Variants in PFKFB3 observed in about 807,000 individuals in gnomAD.
The protein encoded by PFKFB3 is 6-phosphofructo-2-kinase/fructose-2,6-biphosphatase 3, also known as 6-phosphofructo-2-kinase/fructose-2,6-bisphosphatase 3.
PFKFB3 carries 33 observed loss-of-function variants against 68.0 expected under a neutral mutation model. That is an observed-to-expected ratio of 0.49 (90% CI 0.37 to 0.65). The LOEUF is 0.65. PFKFB3 is among the 30% of genes least tolerant of loss of function. The probability of loss-of-function intolerance (pLI) is 0.00; values close to 1 mark genes in which losing one functional copy is unlikely to be tolerated. For synonymous variants in PFKFB3, 315 were observed against 288.2 expected (o/e 1.09, Z -0.94); for missense variants, 586 against 712.2 (o/e 0.82, Z 2.02).
chr10:6,256,470 C>G (rs548049126), downstream of PFKFB3, among the ~76,000 whole-genome samples: 1 of 152,254 alleles, frequency 6.6e-6, no homozygotes, highest in East Asian at 1.9e-4. Context: ...CCCAGCTGGT[C>G]CCAGGGTTGT....
chr10:6,191,178 C>T (rs992268513), intron 1 of PFKFB3, among the ~76,000 whole-genome samples: 6 of 152,118 alleles, frequency 3.9e-5, no homozygotes, highest in East Asian at 1.9e-4. Flanking sequence ...GGCCGAACAC[C>T]GAAGGCTGCC....
Position 6,203,024 on chromosome 10 carries a change from A to AGCCGGCCGT in PFKFB3, c.-231_-223dup. 7.3e-7 allele frequency: 1 copy of AGCCGGCCGT among 1,373,000 alleles called. No individual in the cohort carries two copies. Among genetic ancestry groups the AGCCGGCCGT allele is most frequent in the Non-Finnish European group, 9.4e-7 (1 of 1,067,922 alleles). 85.1% of individuals were successfully genotyped at this position (1,373,000 alleles called of 1,614,324 possible). ...CATCCCAGAGCTTTCCGAGCGGACG[A>AGCCGGCCGT]GCCGGCCGTGCCGGGCATCCCCAGC... On this transcript the variant is annotated 5_prime_UTR_variant, in exon 1 of 15. Coordinates refer to ENST00000379775, the MANE Select transcript of PFKFB3 (RefSeq NM_004566.4).
chr10:6,307,358 C>T, the PFKFB3 span, among the ~76,000 whole-genome samples: 1 of 151,668 alleles, frequency 6.6e-6, no homozygotes, highest in African/African-American at 2.4e-5. Context: ...CACACACACA[C>T]ACACACACAC....
chr10:6,226,315 G>C lies in PFKFB3; in HGVS notation c.1465G>C (p.Ala489Pro). The change falls in exon 14 of 15, where the codon GCC becomes CCC. Residue 489 changes from alanine to proline, a missense_variant. Physicochemically the swap from Ala to Pro is conservative, Grantham distance 27. Coordinates refer to ENST00000379775, the MANE Select transcript of PFKFB3 (RefSeq NM_004566.4). ...FEEHVASTSA[A>P]LPSCLPPEVP... ...GGAGCATGTGGCCTCCACCTCGGCCGCCCTGCCCAGCTGCCTGCCCCCGGA... is the reference window on the plus strand; with the variant it reads ...GGAGCATGTGGCCTCCACCTCGGCCCCCCTGCCCAGCTGCCTGCCCCCGGA... 1.2e-6 allele frequency: 2 copies of C among 1,614,006 alleles called. No homozygotes were observed. The highest frequency in any genetic ancestry group is 1.7e-6 in the Non-Finnish European group (2 of 1,179,972).
At chr10:6,183,508 G>C (rs1012025180) in intron 1 of PFKFB3, among the ~76,000 whole-genome samples, 1 of 151,652 alleles carries the variant, frequency 6.6e-6, no homozygotes, top group African/African-American at 2.4e-5. Flanking sequence ...CTGGAGTCTG[G>C]CCTGGTGTGG....
intron 1 of PFKFB3, among the ~76,000 whole-genome samples, chr10:6,208,105 C>T (rs935935515): frequency 3.3e-5 from 5 of 152,112 alleles, no homozygotes; most frequent in African/African-American, 1.2e-4. Context: ...GAGACAGGGT[C>T]TCACTGTCAC....
the PFKFB3 span, chr10:6,277,559 T>C: frequency 5.8e-6 from 1 of 171,050 alleles, no homozygotes; most frequent in African/African-American, 2.4e-5. Context: ...ATTTCCCTTG[T>C]GCTGTGCTCA....
chr10:6,222,823 G>C, intron 10 of PFKFB3, 32 bp from the exon 11 acceptor site: 1 of 1,596,354 alleles, frequency 6.3e-7, no homozygotes, highest in Non-Finnish European at 8.6e-7. Context: ...CGAGTGCCCT[G>C]AGCTCACGTG....
chr10:6,169,763 C>G (rs1245837183), intron 1 of PFKFB3, among the ~76,000 whole-genome samples: 1 of 152,150 alleles, frequency 6.6e-6, no homozygotes, highest in Non-Finnish European at 1.5e-5. Context: ...CAGCCCTGAG[C>G]TCTATATATG....
chr10:6,272,647 A>G, the PFKFB3 span, among the ~76,000 whole-genome samples: 3 of 152,070 alleles, frequency 2.0e-5, no homozygotes, highest in Non-Finnish European at 4.4e-5. Flanking sequence ...GTGAGCCCAG[A>G]TCGTGCCATT....
chr10:6,185,599 C>T (rs979055948), intron 1 of PFKFB3, among the ~76,000 whole-genome samples: 1 of 151,806 alleles, frequency 6.6e-6, no homozygotes, highest in African/African-American at 2.4e-5. Flanking sequence ...GCACTCAGGC[C>T]CTCACCCAGT....
chr10:6,265,997 ACCT>A, the PFKFB3 span, among the ~76,000 whole-genome samples: 1 of 151,710 alleles, frequency 6.6e-6, no homozygotes, highest in Admixed American at 6.6e-5. Context: ...TGCAGCCTTG[ACCT>A]CCTGCGCTCA....
At chr10:6,311,722 G>A in the PFKFB3 span, among the ~76,000 whole-genome samples, 2 of 151,988 alleles carry the variant, frequency 1.3e-5, no homozygotes, top group Non-Finnish European at 2.9e-5. Flanking sequence ...GCACGTCAGC[G>A]TGGGTGACAG....
chr10:6,150,591 C>G (rs1427285747), intron 1 of PFKFB3, among the ~76,000 whole-genome samples: 2 of 152,182 alleles, frequency 1.3e-5, no homozygotes, highest in African/African-American at 4.8e-5. Flanking sequence ...GGCCACTGCA[C>G]TCCAGCCGGG....
upstream of PFKFB3, among the ~76,000 whole-genome samples, chr10:6,200,463 C>G (rs1281159932): frequency 1.3e-5 from 2 of 152,038 alleles, no homozygotes; most frequent in South Asian, 4.2e-4. Context: ...AGTAAATTAC[C>G]AGAATACAGT....
At chr10:6,178,484 G>T (rs931933779) in intron 1 of PFKFB3, among the ~76,000 whole-genome samples, 2 of 152,202 alleles carry the variant, frequency 1.3e-5, no homozygotes, top group Non-Finnish European at 2.9e-5. Context: ...GAGCTTTGGG[G>T]CCAGGAAGGC....
At chr10:6,175,868 A>G (rs77467089) in intron 1 of PFKFB3, among the ~76,000 whole-genome samples, 1,667 of 152,308 alleles carry the variant, frequency 0.011, 70 homozygotes, top group East Asian at 0.099. Context: ...CATGTTGGGG[A>G]GACTGTGACT....
chr10:6,158,716 A>T (rs1422424661), intron 1 of PFKFB3, among the ~76,000 whole-genome samples: 1 of 152,052 alleles, frequency 6.6e-6, no homozygotes, highest in African/African-American at 2.4e-5. Flanking sequence ...AAATACAAAA[A>T]GTCAGCCAGG....
At chr10:6,227,816 G>T (rs1040811492) in intron 14 of PFKFB3, among the ~76,000 whole-genome samples, 2 of 152,188 alleles carry the variant, frequency 1.3e-5, no homozygotes, top group South Asian at 2.1e-4. Context: ...TCCCTTGCAG[G>T]TCTCAGATCT....
Sources: gnomAD v4.1 joint callset for allele counts (sites outside exome capture counted in the v4.1 genomes callset) on GRCh38, gnomAD v4.1.1 for gene constraint, MANE v1.5 for transcripts, NCBI Gene and HGNC (gene_info 2026-07-23, HGNC 2026-07-21) for gene names.